Variants in GUCY1A2 observed in about 807,000 individuals in gnomAD.
GUCY1A2 encodes guanylate cyclase 1 soluble subunit alpha 2.
Under a neutral mutation model 63.5 loss-of-function variants are expected in GUCY1A2, and 27 were observed. The ratio of observed to expected loss-of-function variants is 0.43; its 90% CI spans 0.31 to 0.59. GUCY1A2 has a LOEUF of 0.59. GUCY1A2 is among the 20% of genes least tolerant of loss of function. GUCY1A2 has a pLI of 0.11. For synonymous variants in GUCY1A2, 364 were observed against 343.5 expected, an observed-to-expected ratio of 1.06 and a Z score of -0.66; for missense variants, 768 against 913.3, an observed-to-expected ratio of 0.84 and a Z score of 2.05.
Position 106,766,547 on chromosome 11 carries a change from CT to C in GUCY1A2, c.1836+9891del, listed in dbSNP as rs5794494. Among the ~76,000 whole-genome samples, 25 of 151,388 alleles carry C rather than the reference CT, an allele frequency of 1.7e-4. 1 individual carries two copies. Among genetic ancestry groups the C allele is most frequent in the East Asian group, 5.8e-4 (3 of 5,148 alleles). The stretch of plus-strand genomic sequence containing the variant: ...TTCTGTAATACTAGTTTTCAGAGAT[CT>C]TTTTTTTGTAATTTTAGAAAACAAA... On this transcript the variant is annotated intron_variant, in intron 6 of 7. Transcript: ENST00000526355.
At position 106,678,355 on chromosome 11, in the gene GUCY1A2, TAAATC is replaced by T. The variant is rs1455307255; in HGVS notation, c.*9189_*9193del. 6 of 209,902 alleles carry T rather than the reference TAAATC, an allele frequency of 2.9e-5. No homozygotes were observed. Among genetic ancestry groups the T allele is most frequent in the Non-Finnish European group, 9.7e-6 (1 of 103,260 alleles). The allele number at this position is 209,902 out of a possible 1,614,324, so 13.0% of individuals were successfully genotyped here. A position where few individuals can be genotyped will look rare whatever the true frequency, so the allele number is the denominator to read the frequency against. ...CAGAAGGAGGGTTTCACATTATTGA[TAAATC>T]AACTAGCTGTTTTCATATTTTGCTT... On this transcript the variant is annotated 3_prime_UTR_variant, in exon 8 of 8. Coordinates refer to ENST00000526355, the MANE Select transcript of GUCY1A2 (RefSeq NM_000855.3).
intron 4 of GUCY1A2, among the ~76,000 whole-genome samples, chr11:106,937,402 A>G (rs1478400379): frequency 6.6e-6 from 1 of 152,198 alleles, no homozygotes; most frequent in African/African-American, 2.4e-5. Flanking sequence ...AGGGGAAAAA[A>G]CCTGAAGCAG....
At chr11:106,932,809 A>G (rs1860620708) in intron 4 of GUCY1A2, among the ~76,000 whole-genome samples, 1 of 152,160 alleles carries the variant, frequency 6.6e-6, no homozygotes, top group African/African-American at 2.4e-5. Context: ...AAACCCAGAA[A>G]TAAAGCTACA....
intron 5 of GUCY1A2, among the ~76,000 whole-genome samples, chr11:106,782,720 G>T (rs1416389764): frequency 2.6e-5 from 4 of 152,000 alleles, no homozygotes; most frequent in African/African-American, 9.7e-5. Context: ...GAGGTCAATG[G>T]CGGTCTGCAC....
chr11:106,841,394 C>T (rs1477344156), intron 4 of GUCY1A2, among the ~76,000 whole-genome samples: 1 of 151,862 alleles, frequency 6.6e-6, no homozygotes, highest in East Asian at 1.9e-4. Flanking sequence ...TTAAAGTCCA[C>T]CTTTCAAACA....
chr11:106,726,002 G>C (rs1291714174), intron 6 of GUCY1A2, among the ~76,000 whole-genome samples: 1 of 152,132 alleles, frequency 6.6e-6, no homozygotes, highest in Admixed American at 6.5e-5. Flanking sequence ...AACAGACTAG[G>C]ATTTTATGAA....
At chr11:107,015,869 A>G (rs1240979929) in intron 1 of GUCY1A2, among the ~76,000 whole-genome samples, 2 of 152,184 alleles carry the variant, frequency 1.3e-5, no homozygotes, top group East Asian at 3.8e-4. Flanking sequence ...ATCTATTCTG[A>G]GGATTGTTTT....
intron 6 of GUCY1A2, among the ~76,000 whole-genome samples, chr11:106,730,588 T>C (rs962341080): frequency 6.6e-6 from 1 of 152,234 alleles, no homozygotes; most frequent in South Asian, 2.1e-4. Flanking sequence ...CACATGCATG[T>C]GTCTTTATAA....
At chr11:106,719,327 C>T (rs1246829003) in intron 6 of GUCY1A2, among the ~76,000 whole-genome samples, 3 of 151,732 alleles carry the variant, frequency 2.0e-5, no homozygotes, top group African/African-American at 7.3e-5. Flanking sequence ...CATAGAAGCA[C>T]AAATTAAAAA....
Position 106,851,766 on chromosome 11 carries a change from C to T in GUCY1A2, c.1207-41288G>A, listed in dbSNP as rs1859358734. Among the ~76,000 whole-genome samples the T allele has an allele frequency of 2.0e-5, 3 of 151,790 alleles. No homozygotes were observed. The South Asian group carries it at 6.2e-4, about 31-fold the overall frequency. On this transcript the variant is annotated intron_variant, in intron 4 of 7. Transcript: ENST00000526355. ...TCTTGCTTTGTAGTATACTTTGAAT[C>T]ACACCACGCCAGGTGGTGTGATGCC...
chr11:106,799,806 A>G (rs1279310230), intron 5 of GUCY1A2, among the ~76,000 whole-genome samples: 2 of 152,210 alleles, frequency 1.3e-5, no homozygotes, highest in African/African-American at 2.4e-5. Flanking sequence ...AAACCTAGGC[A>G]ATACCATTCA....
chr11:106,999,018 TG>T (rs1345787702), intron 1 of GUCY1A2, among the ~76,000 whole-genome samples: 1 of 152,160 alleles, frequency 6.6e-6, no homozygotes, highest in Non-Finnish European at 1.5e-5. Context: ...GGCAGAGTCT[TG>T]TGGGGCCAGA....
At chr11:106,697,227 T>C (rs1013287456) in intron 7 of GUCY1A2, among the ~76,000 whole-genome samples, 2 of 152,200 alleles carry the variant, frequency 1.3e-5, no homozygotes, top group Non-Finnish European at 2.9e-5. Flanking sequence ...GATTTAGTAA[T>C]AGGTGACTAA....
At chr11:106,827,875 G>A (rs1413177550) in intron 4 of GUCY1A2, 3 of 1,589,824 alleles carry the variant, frequency 1.9e-6, no homozygotes, top group Middle Eastern at 1.8e-4. Flanking sequence ...GTCATGGGAG[G>A]GCGCGCTGCC....
chr11:106,794,037 T>A (rs187319355), intron 5 of GUCY1A2, among the ~76,000 whole-genome samples: 1 of 152,138 alleles, frequency 6.6e-6, no homozygotes, highest in Non-Finnish European at 1.5e-5. Flanking sequence ...TGAAGAGATA[T>A]CTGCACTTCC....
chr11:106,865,112 G>A (rs1565313974), intron 4 of GUCY1A2, among the ~76,000 whole-genome samples: 1 of 151,906 alleles, frequency 6.6e-6, no homozygotes, highest in Non-Finnish European at 1.5e-5. Flanking sequence ...ACTTCTTCTT[G>A]GTTTAGTCTT....
intron 4 of GUCY1A2, among the ~76,000 whole-genome samples, chr11:106,814,377 C>T (rs2135426448): frequency 6.6e-6 from 1 of 152,194 alleles, no homozygotes; most frequent in Admixed American, 6.5e-5. Context: ...CACAGAGCAA[C>T]ATTTGCTTTC....
intron 6 of GUCY1A2, among the ~76,000 whole-genome samples, chr11:106,755,981 T>A (rs1233259037): frequency 6.6e-6 from 1 of 152,348 alleles, no homozygotes; most frequent in East Asian, 1.9e-4. Flanking sequence ...TGTGGGAGTC[T>A]AAGTCTCCTT....
At chr11:106,724,058 C>G (rs1391794888) in intron 6 of GUCY1A2, among the ~76,000 whole-genome samples, 1 of 152,182 alleles carries the variant, frequency 6.6e-6, no homozygotes, top group Non-Finnish European at 1.5e-5. Context: ...TAAAAACAAC[C>G]ATATGAATAA....
Sources: gnomAD v4.1 joint callset for allele counts (sites outside exome capture counted in the v4.1 genomes callset) on GRCh38, gnomAD v4.1.1 for gene constraint, MANE v1.5 for transcripts, NCBI Gene and HGNC (gene_info 2026-07-23, HGNC 2026-07-21) for gene names.